ARHGEF7: variants seen among roughly 807,000 people sequenced by gnomAD.
ARHGEF7 encodes Rho guanine nucleotide exchange factor 7.
Under a neutral mutation model 109.8 loss-of-function variants are expected in ARHGEF7, and 33 were observed. The ratio of observed to expected loss-of-function variants is 0.30; its 90% confidence interval spans 0.23 to 0.40. ARHGEF7 has a LOEUF of 0.40. ARHGEF7 is among the 10% of genes least tolerant of loss of function. The pLI, the probability that ARHGEF7 is intolerant of heterozygous loss-of-function variation, is 1.00. For synonymous variants in ARHGEF7, 458 were observed against 424.6 expected (o/e 1.08, Z -0.97); for missense variants, 938 against 1,098.5 (o/e 0.85, Z 2.07).
intron 1 of ARHGEF7, among the ~76,000 whole-genome samples, chr13:111,129,177 T>C (rs1346321088): frequency 6.6e-6 from 1 of 152,210 alleles, no homozygotes; most frequent in East Asian, 1.9e-4. Context: ...AGATGAACTT[T>C]GATCTATACC....
intron 1 of ARHGEF7, among the ~76,000 whole-genome samples, chr13:111,141,009 C>A (rs1361698004): frequency 6.6e-6 from 1 of 152,090 alleles, no homozygotes; most frequent in African/African-American, 2.4e-5. Context: ...TTTTTTAGAG[C>A]AGTTTTAGGT....
chr13:111,277,836 G>T (rs1273282401), intron 13 of ARHGEF7, among the ~76,000 whole-genome samples, 163 bp downstream of exon 13: 1 of 152,188 alleles, frequency 6.6e-6, no homozygotes, highest in Non-Finnish European at 1.5e-5. Flanking sequence ...GTGTTTCGTT[G>T]TGACTGCAAG....
intron 17 of ARHGEF7, among the ~76,000 whole-genome samples, chr13:111,286,630 C>G (rs1221083850): frequency 2.0e-5 from 3 of 152,148 alleles, no homozygotes; most frequent in African/African-American, 7.2e-5. Context: ...CTGCTGTGTT[C>G]TCCTGTGGGT....
chr13:111,122,968 A>G (rs1022870960), intron 1 of ARHGEF7, among the ~76,000 whole-genome samples: 1 of 152,186 alleles, frequency 6.6e-6, no homozygotes, highest in African/African-American at 2.4e-5. Flanking sequence ...GATACTGTGT[A>G]TAGAGGTCAG....
intron 9 of ARHGEF7, among the ~76,000 whole-genome samples, chr13:111,270,690 T>C (rs924890301): frequency 5.3e-5 from 8 of 152,230 alleles, no homozygotes; most frequent in Admixed American, 3.3e-4. Flanking sequence ...AATAATGACC[T>C]GAATGGATTT....
chr13:111,122,438 G>A (rs986828586), intron 1 of ARHGEF7, among the ~76,000 whole-genome samples: 1 of 152,196 alleles, frequency 6.6e-6, no homozygotes. Context: ...TAGGGTAGGA[G>A]AATTAATCTC....
In ARHGEF7 at chr13:111,137,247, G is replaced by A. The variant is rs974924619; in HGVS notation, c.166-16658G>A. On this transcript the variant is annotated intron_variant, in intron 1 of 21. Coordinates refer to ENST00000646102, the MANE Select transcript of ARHGEF7 (RefSeq NM_001354046.2). Reference sequence around the variant, plus strand: ...GAATCCTCCCTAACTCATTGTATGAGGAGAATCTGCTTTTCTAACAAGTTC... The same window carrying A: ...GAATCCTCCCTAACTCATTGTATGAAGAGAATCTGCTTTTCTAACAAGTTC... Among the ~76,000 whole-genome samples, 7 of 152,358 alleles carry A rather than the reference G, an allele frequency of 4.6e-5. No individual in the cohort carries two copies. In the South Asian group the frequency reaches 1.2e-3, roughly 27 times the overall value.
At chr13:111,216,770 C>T (rs1190240851) in intron 4 of ARHGEF7, among the ~76,000 whole-genome samples, 1 of 152,158 alleles carries the variant, frequency 6.6e-6, no homozygotes, top group Admixed American at 6.5e-5. Flanking sequence ...TTTTCTTGCT[C>T]CTGTGCCGGC....
intron 1 of ARHGEF7, among the ~76,000 whole-genome samples, chr13:111,151,287 G>A (rs936048086): frequency 3.9e-5 from 6 of 152,122 alleles, no homozygotes; most frequent in Admixed American, 6.5e-5. Flanking sequence ...AAATTCTTCC[G>A]CAGCCTCCTT....
intron 4 of ARHGEF7, among the ~76,000 whole-genome samples, chr13:111,212,666 G>A (rs576462829): frequency 2.7e-4 from 41 of 152,310 alleles, no homozygotes; most frequent in Non-Finnish European, 4.4e-5. Context: ...CCTGATGCTG[G>A]CAGCTAACCT....
intron 5 of ARHGEF7, among the ~76,000 whole-genome samples, chr13:111,221,542 GAT>G (rs1437044381): frequency 8.0e-4 from 44 of 55,316 alleles, no homozygotes; most frequent in South Asian, 2.7e-3. Context: ...TCTATATATA[GAT>G]ACATATCTAT....
Position 111,258,762 on chromosome 13 carries a change from C to G in ARHGEF7, c.951-8786C>G, listed in dbSNP as rs1240647894. Among the ~76,000 whole-genome samples the G allele has an allele frequency of 6.6e-6, 1 of 152,178 alleles. No homozygotes were observed. The highest frequency in any genetic ancestry group is 1.9e-4 in the East Asian group (1 of 5,186). ...GCCCAGCCACAGTGAGGTGGAACAT[C>G]AAGTGGGCTCTTGGGAGTCCCCAGT... is the stretch of plus-strand genomic sequence containing the variant. On this transcript the variant is annotated intron_variant, in intron 8 of 21. Coordinates refer to ENST00000646102, the MANE Select transcript of ARHGEF7 (RefSeq NM_001354046.2). The surrounding 1 kb of genome is among the most constrained non-coding windows in gnomAD (Gnocchi z 4.4).
rs1294421588 is a variant in ARHGEF7, at chr13:111,305,657, A to G, written c.*2544A>G. 2.0e-5 allele frequency: 3 copies of G among 152,238 alleles called. No homozygotes were observed. Among genetic ancestry groups the G allele is most frequent in the Admixed American group, 6.5e-5 (1 of 15,292 alleles). 9.4% of individuals were successfully genotyped at this position (152,238 alleles called of 1,614,324 possible). On this transcript the variant is annotated 3_prime_UTR_variant, in exon 22 of 22. Transcript: ENST00000646102. ...AACTCCTAATTTAAATGTCACAGAC[A>G]ATGTCCTAGTGTTGACTACTACAAT... is the stretch of plus-strand genomic sequence containing the variant.
intron 17 of ARHGEF7, among the ~76,000 whole-genome samples, chr13:111,287,876 G>A (rs2093091590): frequency 6.6e-6 from 1 of 152,272 alleles, no homozygotes; most frequent in Non-Finnish European, 1.5e-5. Context: ...GCCGTGTGGG[G>A]AACAGACAGG....
chr13:111,129,538 C>G (rs1260314110), intron 1 of ARHGEF7, among the ~76,000 whole-genome samples: 1 of 151,886 alleles, frequency 6.6e-6, no homozygotes, highest in Non-Finnish European at 1.5e-5. Flanking sequence ...AATAAAGAGC[C>G]TAATTTTAAA....
At chr13:111,187,040 A>G (rs947514140) in intron 2 of ARHGEF7, 2 of 984,644 alleles carry the variant, frequency 2.0e-6, no homozygotes, top group Non-Finnish European at 2.4e-6. Context: ...TGGTGTGGGT[A>G]TTGGGAGGGT....
intron 1 of ARHGEF7, among the ~76,000 whole-genome samples, chr13:111,147,338 C>T (rs1287250882): frequency 5.9e-5 from 9 of 152,206 alleles, no homozygotes; most frequent in Admixed American, 5.9e-4. Context: ...ACTTTACATC[C>T]TTGCCAACAC....
Position 111,153,984 on chromosome 13 carries a change from G to C in ARHGEF7, c.245G>C (p.Arg82Pro). ...EFLRGCGASL[R>P]LETFDANDLY... ...CTGCGCGGCTGCGGGGCTTCCCTGC[G>C]GCTGGAGGTGAGCGCGGGCGGCCAC... Residue 82 changes from arginine to proline, a missense_variant, in exon 2 of 22, where the codon CGG becomes CCG. By Grantham distance (103) the Arg-to-Pro change is moderately radical (BLOSUM62 -2). Transcript: ENST00000646102. The C allele has an allele frequency of 4.4e-6, 7 of 1,600,720 alleles. No individual in the cohort carries two copies. The highest frequency in any genetic ancestry group is 1.1e-5 in the South Asian group (1 of 89,992).
chr13:111,173,609 C>T (rs1473287511), intron 2 of ARHGEF7, among the ~76,000 whole-genome samples: 3 of 152,226 alleles, frequency 2.0e-5, no homozygotes, highest in African/African-American at 7.2e-5. Context: ...CCACGGATTG[C>T]TTTCCCAGGA....
Sources: allele counts gnomAD v4.1 joint callset (sites outside exome capture counted in the v4.1 genomes callset), GRCh38; gene constraint gnomAD v4.1.1; non-coding constraint Gnocchi (gnomAD v3.1); transcripts MANE v1.5; gene names NCBI Gene and HGNC (gene_info 2026-07-23, HGNC 2026-07-21).